The following SMARCA4 variants were observed in gnomAD, a reference collection of about 807,000 sequenced individuals.
SMARCA4 encodes the protein SWI/SNF-related matrix-associated actin-dependent regulator of chromatin subfamily A member 4.
SMARCA4 carries 31 observed loss-of-function variants against 193.9 expected under a neutral mutation model. The ratio of observed to expected loss-of-function variants is 0.16; its 90% confidence interval spans 0.12 to 0.22. The LOEUF is 0.22. Among genes scored for constraint, SMARCA4 ranks in the 10% least tolerant of loss-of-function variants. The pLI is 1.00. For missense variants in SMARCA4, 1,148 were observed against 2,296.0 expected, an observed-to-expected ratio of 0.50 and a Z score of 10.22; for synonymous variants, 942 against 933.1, an observed-to-expected ratio of 1.01 and a Z score of -0.17.
chr19:10,974,692 T>TTTA (rs1568402623), intron 1 of SMARCA4, among the ~76,000 whole-genome samples: 1 of 29,592 alleles, frequency 3.4e-5, no homozygotes, highest in African/African-American at 1.2e-4. Flanking sequence ...TATATATATT[T>TTTA]TTTTTTTTTT....
intron 1 of SMARCA4, among the ~76,000 whole-genome samples, chr19:10,974,725 G>A (rs1397337861): frequency 3.2e-5 from 1 of 31,424 alleles, no homozygotes; most frequent in Non-Finnish European, 5.4e-5. Flanking sequence ...TTTTTTTTTT[G>A]AGACAGAGTC....
At chr19:11,037,255 C>T (rs1235603130) in intron 29 of SMARCA4, among the ~76,000 whole-genome samples, 3 of 152,234 alleles carry the variant, frequency 2.0e-5, no homozygotes, top group African/African-American at 4.8e-5. Context: ...TTGGTGGCTA[C>T]GCCAGTTCAC....
At chr19:11,059,123 A>G (rs1568563086) in intron 32 of SMARCA4, 1 of 493,878 alleles carries the variant, frequency 2.0e-6, no homozygotes, top group Non-Finnish European at 3.6e-6. Context: ...AAAAAAAAAG[A>G]AAAAATTAAA....
intron 1 of SMARCA4, among the ~76,000 whole-genome samples, chr19:10,962,794 C>T (rs2083910416): frequency 1.3e-5 from 2 of 151,416 alleles, no homozygotes; most frequent in East Asian, 3.9e-4. Flanking sequence ...CCACCCACCT[C>T]GGCCTCCCAA....
At chr19:11,028,254 A>C (rs564931377) in intron 24 of SMARCA4, among the ~76,000 whole-genome samples, 2 of 152,340 alleles carry the variant, frequency 1.3e-5, no homozygotes, top group Non-Finnish European at 2.9e-5. Context: ...TACCATGTGG[A>C]CACAGGAAAG....
At chr19:11,035,565 C>T (rs1361112503) in intron 29 of SMARCA4, among the ~76,000 whole-genome samples, 1 of 152,164 alleles carries the variant, frequency 6.6e-6, no homozygotes, top group East Asian at 1.9e-4. Context: ...TGGGCAAGTC[C>T]CCCCCCATGA....
chr19:10,974,554 A>T (rs1398629946), intron 1 of SMARCA4, among the ~76,000 whole-genome samples: 3 of 148,894 alleles, frequency 2.0e-5, no homozygotes, highest in African/African-American at 7.4e-5. Context: ...GACATCTGTG[A>T]TATGGAAAGG....
intron 29 of SMARCA4, chr19:11,039,322 C>G (rs1048340617): frequency 5.6e-6 from 3 of 532,474 alleles, no homozygotes; most frequent in Non-Finnish European, 9.9e-6. Context: ...CCACTGCACT[C>G]CAGCCTGGGC....
At position 11,031,292 on chromosome 19, in the gene SMARCA4, CA is replaced by C; in HGVS notation, c.3546+400del. ...ACACAATTGGGGGTAAACTCCATGC[CA>C]CTTCGTTTACTTCCTCCTCTTGTTC... On this transcript the variant is annotated intron_variant, in intron 25 of 34. Transcript: ENST00000344626. The surrounding 1 kb of genome is among the most constrained non-coding windows in gnomAD (Gnocchi z 4.3). 3.4e-6 allele frequency: 1 copy of C among 292,426 alleles called. No individual in the cohort carries two copies. Among genetic ancestry groups the C allele is most frequent in the South Asian group, 3.7e-5 (1 of 26,732 alleles). The allele number at this position is 292,426 out of a possible 1,614,324, so 18.1% of individuals were successfully genotyped here. A position where few individuals can be genotyped will look rare whatever the true frequency, so the allele number is the denominator to read the frequency against.
At chr19:11,010,233 C>T (rs1467790820) in intron 14 of SMARCA4, 148 bp from the exon 15 acceptor site, 47 of 919,852 alleles carry the variant, frequency 5.1e-5, no homozygotes, top group Middle Eastern at 2.5e-4. Context: ...TGGCCTCACA[C>T]TGTCCGGCTG....
In SMARCA4 at chr19:11,027,774, C is replaced by T. The variant is rs1013323481; in HGVS notation, c.3216-10C>T. On this transcript the variant is annotated splice_polypyrimidine_tract_variant and intron_variant, in intron 23 of 34. Transcript: ENST00000344626. ...CCTGCGCCTTCTCTCCTGCCTCCTC[C>T]ACACTCCAGGCTGGACCTGTACCGA... 6.2e-7 allele frequency: 1 copy of T among 1,613,994 alleles called. No homozygotes were observed. Among genetic ancestry groups the T allele is most frequent in the Non-Finnish European group, 8.5e-7 (1 of 1,180,016 alleles).
rs1568509224 is a variant in SMARCA4, at chr19:11,033,272, T to C, written c.3547-18T>C. On this transcript the variant is annotated intron_variant, in intron 25 of 34. Transcript: ENST00000344626. This position sits in a 1 kb window ranked among gnomAD's most constrained non-coding sequence, Gnocchi z 9.8. ...CCTCCTGGGCTCCTTTGGGACTGAC[T>C]GGCACCTCTTCCCCCAGGACCTGCA... is the stretch of plus-strand genomic sequence containing the variant. The C allele has an allele frequency of 6.2e-7, 1 of 1,604,256 alleles. No individual in the cohort carries two copies. Among genetic ancestry groups the C allele is most frequent in the Non-Finnish European group, 8.5e-7 (1 of 1,172,280 alleles).
At chr19:10,996,025 C>T (rs1452963698) in intron 9 of SMARCA4, 188 bp from the exon 10 acceptor site, 2 of 701,814 alleles carry the variant, frequency 2.8e-6, no homozygotes, top group Admixed American at 2.0e-5. Flanking sequence ...GCCCTTGGAA[C>T]CTAGCCCTTG....
chr19:11,018,306 C>T (rs2089549374), intron 16 of SMARCA4: 1 of 179,924 alleles, frequency 5.6e-6, no homozygotes, highest in Admixed American at 5.3e-5. Flanking sequence ...CCACCCTCTC[C>T]TCAGTCTCTA....
intron 14 of SMARCA4, among the ~76,000 whole-genome samples, chr19:11,010,051 C>G (rs1664735442): frequency 6.6e-6 from 1 of 152,046 alleles, no homozygotes; most frequent in South Asian, 2.1e-4. Context: ...GTCTTGATCT[C>G]CTGGCCTCAA....
At chr19:11,009,007 C>CTTTTTTTTTTTTTTTTTTTTTTT (rs762148337) in intron 14 of SMARCA4, among the ~76,000 whole-genome samples, 2 of 40,948 alleles carry the variant, frequency 4.9e-5, no homozygotes, top group Non-Finnish European at 8.1e-5. Flanking sequence ...ATAAAAGTCA[C>CTTTTTTTTTTTTTTTTTTTTTTT]TTTTTTTTTT....
At chr19:11,060,285 C>G in intron 34 of SMARCA4, 98 bp downstream of exon 34, 1 of 1,414,776 alleles carries the variant, frequency 7.1e-7, no homozygotes, top group Non-Finnish European at 9.7e-7. Context: ...CCCACGCCCC[C>G]ACGCTGCAGG....
intron 7 of SMARCA4, among the ~76,000 whole-genome samples, chr19:10,990,303 C>T (rs1458720808): frequency 6.6e-6 from 1 of 152,144 alleles, no homozygotes; most frequent in East Asian, 1.9e-4. Context: ...CAGGTGTGCA[C>T]CACCATGCCG....
In SMARCA4 at chr19:11,024,352, G is replaced by A. The variant is rs1555779989; in HGVS notation, c.2995G>A (p.Asp999Asn). The change falls in exon 21 of 35, where the codon GAC becomes AAC. Residue 999 changes from aspartate to asparagine, a missense_variant. Coordinates refer to ENST00000344626, the MANE Select transcript of SMARCA4 (RefSeq NM_003072.5). ...PEKVEYVIKC[D>N]MSALQRVLYR... Reference sequence around the variant, plus strand: ...GCAGGTGGAGTACGTCATCAAGTGCGACATGTCTGCGCTGCAGCGAGTGCT... The same window carrying A: ...GCAGGTGGAGTACGTCATCAAGTGCAACATGTCTGCGCTGCAGCGAGTGCT... 2 of 1,612,840 alleles carry A rather than the reference G, an allele frequency of 1.2e-6. No homozygotes were observed. The highest frequency in any genetic ancestry group is 8.5e-7 in the Non-Finnish European group (1 of 1,179,584).
Sources: allele counts gnomAD v4.1 joint callset (sites outside exome capture counted in the v4.1 genomes callset), GRCh38; gene constraint gnomAD v4.1.1; non-coding constraint Gnocchi (gnomAD v3.1); transcripts MANE v1.5; gene names NCBI Gene and HGNC (gene_info 2026-07-23, HGNC 2026-07-21).